Variants in ANKS1B observed in about 807,000 individuals in gnomAD.
The protein encoded by ANKS1B is ankyrin repeat and sterile alpha motif domain-containing protein 1B.
Under a neutral mutation model 148.3 loss-of-function variants are expected in ANKS1B, and 36 were observed. The ratio of observed to expected loss-of-function variants is 0.24; its 90% CI spans 0.19 to 0.32. ANKS1B has a LOEUF of 0.32. ANKS1B is among the 10% of genes least tolerant of loss of function. The pLI, the probability that ANKS1B is intolerant of heterozygous loss-of-function variation, is 1.00. For synonymous variants in ANKS1B, 542 were observed against 560.8 expected, an observed-to-expected ratio of 0.97 and a Z score of 0.47; for missense variants, 1,157 against 1,542.6, an observed-to-expected ratio of 0.75 and a Z score of 4.19.
chr12:99,450,806 T>C (rs1478488092), intron 10 of ANKS1B, among the ~76,000 whole-genome samples: 2 of 152,184 alleles, frequency 1.3e-5, no homozygotes, highest in Admixed American at 1.3e-4. Context: ...CCTGTGTCAA[T>C]GGAAACCAAC....
At chr12:98,995,841 A>G (rs1015914157) in intron 17 of ANKS1B, among the ~76,000 whole-genome samples, 3 of 152,338 alleles carry the variant, frequency 2.0e-5, no homozygotes, top group Admixed American at 1.3e-4. Flanking sequence ...CACAGCACTG[A>G]GAGTCCAGGG....
intron 22 of ANKS1B, chr12:98,795,032 C>A: frequency 4.1e-6 from 3 of 723,062 alleles, no homozygotes; most frequent in Non-Finnish European, 7.3e-6. Context: ...CTTGAAACTG[C>A]TAAATTATTA....
intron 12 of ANKS1B, among the ~76,000 whole-genome samples, chr12:99,315,808 T>C (rs2154028327): frequency 6.6e-6 from 1 of 152,254 alleles, no homozygotes; most frequent in Admixed American, 6.5e-5. Flanking sequence ...CTCCTAATGC[T>C]ATCCCTCCCC....
At chr12:98,833,164 C>A (rs575833696) in intron 17 of ANKS1B, among the ~76,000 whole-genome samples, 1 of 152,214 alleles carries the variant, frequency 6.6e-6, no homozygotes, top group Admixed American at 6.5e-5. Flanking sequence ...TTTACCAGGG[C>A]CACACCCCTT....
intron 12 of ANKS1B, among the ~76,000 whole-genome samples, chr12:99,253,759 C>T (rs1426508580): frequency 6.6e-6 from 1 of 152,112 alleles, no homozygotes; most frequent in African/African-American, 2.4e-5. Context: ...AAGAGACACG[C>T]TACAGTGAAG....
chr12:99,907,727 T>G (rs567464932), intron 1 of ANKS1B, among the ~76,000 whole-genome samples: 1 of 151,636 alleles, frequency 6.6e-6, no homozygotes, highest in East Asian at 1.9e-4. Context: ...AGACTGTAAT[T>G]TTAACAAGGT....
At chr12:99,521,949 C>G (rs1312862661) in intron 9 of ANKS1B, among the ~76,000 whole-genome samples, 1 of 152,234 alleles carries the variant, frequency 6.6e-6, no homozygotes, top group African/African-American at 2.4e-5. Context: ...CCAGCCAGGT[C>G]TGTGTCCTTC....
intron 9 of ANKS1B, among the ~76,000 whole-genome samples, chr12:99,600,189 T>C (rs1019913301): frequency 1.3e-5 from 2 of 152,022 alleles, no homozygotes; most frequent in Non-Finnish European, 2.9e-5. Flanking sequence ...CATGTGATTA[T>C]ACATACTCAG....
At chr12:99,093,275 C>T (rs2153653439) in intron 15 of ANKS1B, 1 of 152,304 alleles carries the variant, frequency 6.6e-6, no homozygotes, top group Middle Eastern at 3.4e-3. Context: ...TTAGTGTATT[C>T]CAGAACCAAA....
chr12:99,301,087 C>T (rs1018116405), intron 12 of ANKS1B, among the ~76,000 whole-genome samples: 1 of 152,106 alleles, frequency 6.6e-6, no homozygotes, highest in Non-Finnish European at 1.5e-5. Flanking sequence ...GCCCAAGAAC[C>T]AGGAGCTCTG....
At chr12:98,915,858 C>A (rs1245544444) in intron 17 of ANKS1B, among the ~76,000 whole-genome samples, 1 of 152,186 alleles carries the variant, frequency 6.6e-6, no homozygotes, top group African/African-American at 2.4e-5. Context: ...AGAACCAAGA[C>A]TCAAATCCAG....
rs1311841635 is a variant in ANKS1B at position 99,572,165 on chromosome 12, A to G, written c.1273-67524T>C. On this transcript the variant is annotated intron_variant, in intron 9 of 26. Coordinates refer to ENST00000683438, the MANE Select transcript of ANKS1B (RefSeq NM_001352186.2). ...TCTCTCTGTAAGATGGAGGTCCCTT[A>G]CAGCTATTATATTCCAAGATTAAGA... is the stretch of plus-strand genomic sequence containing the variant. Among the ~76,000 whole-genome samples, 3 of 152,088 alleles carry G rather than the reference A, an allele frequency of 2.0e-5. No individual in the cohort carries two copies. In the East Asian group the frequency reaches 5.8e-4, roughly 29 times the overall value.
chr12:99,606,603 CAT>C (rs1206612879), intron 9 of ANKS1B, among the ~76,000 whole-genome samples: 3 of 151,948 alleles, frequency 2.0e-5, no homozygotes, highest in Non-Finnish European at 4.4e-5. Flanking sequence ...TATGAATAAT[CAT>C]ATATGTTTTC....
At chr12:99,473,474 T>C (rs2096272811) in intron 10 of ANKS1B, among the ~76,000 whole-genome samples, 1 of 152,078 alleles carries the variant, frequency 6.6e-6, no homozygotes, top group Admixed American at 6.6e-5. Context: ...AATTAATTGA[T>C]AGATAGAAGA....
At chr12:99,756,021 T>C (rs971979350) in intron 8 of ANKS1B, among the ~76,000 whole-genome samples, 1 of 152,070 alleles carries the variant, frequency 6.6e-6, no homozygotes, top group Admixed American at 6.6e-5. Flanking sequence ...GTGTTCCCAC[T>C]GAAAACTGGA....
In ANKS1B at chr12:99,209,381, G is replaced by A. The variant is rs189772233; in HGVS notation, c.2419+34961C>T. Among the ~76,000 whole-genome samples, 423 of 152,286 alleles carry A rather than the reference G, an allele frequency of 2.8e-3. 3 individuals carry two copies. The highest frequency in any genetic ancestry group is 9.5e-3 in the African/African-American group (396 of 41,560). The stretch of plus-strand genomic sequence containing the variant: ...AAATTGCTTTAGAAGAAAAACTGTA[G>A]TACCACTGTTACTAGATTGTAGCCT... On this transcript the variant is annotated intron_variant, in intron 14 of 26. Coordinates refer to ENST00000683438, the MANE Select transcript of ANKS1B (RefSeq NM_001352186.2).
At chr12:99,490,395 C>T (rs1356735249) in intron 10 of ANKS1B, among the ~76,000 whole-genome samples, 1 of 152,198 alleles carries the variant, frequency 6.6e-6, no homozygotes, top group Non-Finnish European at 1.5e-5. Flanking sequence ...AATATGACAT[C>T]TGATGATAAA....
At chr12:99,467,452 G>A (rs1357940519) in intron 10 of ANKS1B, among the ~76,000 whole-genome samples, 2 of 152,148 alleles carry the variant, frequency 1.3e-5, no homozygotes, top group East Asian at 1.9e-4. Flanking sequence ...AATTAGGCAG[G>A]AGAAGGAAAT....
At chr12:99,925,898 C>G (rs141697172) in intron 1 of ANKS1B, among the ~76,000 whole-genome samples, 74 of 152,300 alleles carry the variant, frequency 4.9e-4, no homozygotes, top group Middle Eastern at 3.4e-3. Context: ...AACATTTGAA[C>G]AGATTTTTTA....
Sources: allele counts gnomAD v4.1 joint callset (sites outside exome capture counted in the v4.1 genomes callset), GRCh38; gene constraint gnomAD v4.1.1; transcripts MANE v1.5; gene names NCBI Gene and HGNC (gene_info 2026-07-23, HGNC 2026-07-21).